The following VPS37A variants were observed in gnomAD, a reference collection of about 807,000 sequenced individuals.
The protein encoded by VPS37A is VPS37A subunit of ESCRT-I.
A neutral mutation model predicts 49.8 loss-of-function variants in VPS37A; 30 were observed. That is an observed-to-expected ratio of 0.60 (90% CI 0.45 to 0.82). The LOEUF is 0.82. Among genes scored for constraint, VPS37A ranks in the 40% least tolerant of loss-of-function variants. VPS37A has a pLI of 0.00. For missense variants in VPS37A, 593 were observed against 464.4 expected (o/e 1.28, Z -2.55); for synonymous variants, 195 against 160.6 (o/e 1.21, Z -1.62).
At chr8:17,299,128 G>T (rs1563307690), downstream of VPS37A, 1 of 152,186 alleles carries the variant, frequency 6.6e-6, no homozygotes, top group Non-Finnish European at 1.5e-5. Flanking sequence ...AAATTCATAT[G>T]TAAGACCAGG....
chr8:17,295,003 G>A lies in VPS37A; in HGVS notation c.*17G>A, dbSNP rs1043784097. On this transcript the variant is annotated 3_prime_UTR_variant, in exon 12 of 12. Coordinates refer to ENST00000324849, the MANE Select transcript of VPS37A (RefSeq NM_152415.3). ...TCTTTCTAGATTTTCCTGGAAACATGAACTGCCAAGAGAGGAATGGGACAC... is the reference window on the plus strand; with the variant it reads ...TCTTTCTAGATTTTCCTGGAAACATAAACTGCCAAGAGAGGAATGGGACAC... 12 of 152,642 alleles carry A rather than the reference G, an allele frequency of 7.9e-5. No homozygotes were observed. Among genetic ancestry groups the A allele is most frequent in the Admixed American group, 2.6e-4 (4 of 15,284 alleles). The allele number at this position is 152,642 out of a possible 1,614,324, so 9.5% of individuals were successfully genotyped here.
intron 4 of VPS37A, among the ~76,000 whole-genome samples, chr8:17,269,837 T>C (rs949895624): frequency 2.6e-5 from 4 of 152,232 alleles, no homozygotes; most frequent in African/African-American, 9.6e-5. Flanking sequence ...GTACTAAAGA[T>C]ACTGTTTTAG....
chr8:17,304,568 C>G (rs201061683), downstream of VPS37A: 2 of 1,576,484 alleles, frequency 1.3e-6, no homozygotes, highest in Non-Finnish European at 1.7e-6. Context: ...GGTGCTTACA[C>G]ACAGTAGATA....
chr8:17,304,633 T>C, downstream of VPS37A: 1 of 1,062,258 alleles, frequency 9.4e-7, no homozygotes, highest in Non-Finnish European at 1.4e-6. Context: ...ACCACGTGTC[T>C]GTTCGATAGC....
intron 10 of VPS37A, 67 bp downstream of exon 10, chr8:17,284,683 A>AG: frequency 1.3e-6 from 2 of 1,495,754 alleles, no homozygotes; most frequent in Non-Finnish European, 1.8e-6. Context: ...GAGGAGGAGA[A>AG]GCACTGGGTG....
At chr8:17,288,795 C>G (rs768825128) in intron 11 of VPS37A, among the ~76,000 whole-genome samples, 5 of 152,214 alleles carry the variant, frequency 3.3e-5, no homozygotes, top group Non-Finnish European at 5.9e-5. Context: ...AATCACCACA[C>G]TGGTCTTCCA....
Position 17,268,246 on chromosome 8 carries a change from T to C in VPS37A, c.201-12T>C, listed in dbSNP as rs771791901. The C allele has an allele frequency of 4.4e-6, 7 of 1,580,860 alleles. No homozygotes were observed. In the Admixed American group the frequency reaches 1.2e-4, roughly 27 times the overall value. ...CTTTGTTTTTGTTTTTCATCTGTTC[T>C]ACCTCTACCAGATTGCTTCCTCCAC... On this transcript the variant is annotated splice_polypyrimidine_tract_variant and intron_variant, in intron 2 of 11. Coordinates refer to ENST00000324849, the MANE Select transcript of VPS37A (RefSeq NM_152415.3).
Position 17,247,316 on chromosome 8 carries a change from C to A in VPS37A, c.72C>A (p.Ser24Arg). ...SAAGSPGGLT[S>R]LQQQKQRLIE... Reference sequence around the variant, plus strand: ...CTGGGTCCCCCGGTGGCCTCACCAGCCTCCAGCAGCAGAAGCAGCGCCTGA... The same window carrying A: ...CTGGGTCCCCCGGTGGCCTCACCAGACTCCAGCAGCAGAAGCAGCGCCTGA... The change falls in exon 1 of 12, where the codon AGC becomes AGA. Residue 24 changes from serine to arginine, a missense_variant. Transcript: ENST00000324849. 6.4e-7 allele frequency: 1 copy of A among 1,562,720 alleles called. No homozygotes were observed. Among genetic ancestry groups the A allele is most frequent in the Non-Finnish European group, 8.7e-7 (1 of 1,153,622 alleles).
chr8:17,308,494 TTG>T, the VPS37A span, among the ~76,000 whole-genome samples: 1 of 152,214 alleles, frequency 6.6e-6, no homozygotes, highest in African/African-American at 2.4e-5. Flanking sequence ...AAAAATATAC[TTG>T]AGCAGTTGCA....
rs544684706 is a variant in VPS37A, at chr8:17,274,307, T to G, written c.417-426T>G. Among the ~76,000 whole-genome samples the G allele has an allele frequency of 4.1e-3, 622 of 152,384 alleles. 6 individuals are homozygous for G. Among genetic ancestry groups the G allele is most frequent in the African/African-American group, 0.014 (596 of 41,590 alleles). ...TTTTCTAGAAAAGCAGTCTTGACTT[T>G]CAGTCAGATTTTGACAAATACAGAG... is the stretch of plus-strand genomic sequence containing the variant. On this transcript the variant is annotated intron_variant, in intron 4 of 11. Transcript: ENST00000324849.
chr8:17,279,418 C>T (rs1008068765), intron 6 of VPS37A, among the ~76,000 whole-genome samples: 12 of 152,110 alleles, frequency 7.9e-5, no homozygotes, highest in Middle Eastern at 3.2e-3. Flanking sequence ...AGAAATTCTT[C>T]TCATGCTACC....
downstream of VPS37A, chr8:17,304,526 T>C (rs758560539): frequency 2.0e-5 from 32 of 1,612,378 alleles, no homozygotes; most frequent in Admixed American, 3.0e-4. Context: ...AATCCTGTTA[T>C]AAAGAAAATA....
chr8:17,318,084 G>C, the VPS37A span, among the ~76,000 whole-genome samples: 1,495 of 152,174 alleles, frequency 9.8e-3, 22 homozygotes, highest in East Asian at 0.038. Flanking sequence ...ATCCACTCAT[G>C]CACTCAGGAT....
At chr8:17,276,493 A>G (rs370623543) in intron 6 of VPS37A, 26 bp downstream of exon 6, 2 of 1,591,108 alleles carry the variant, frequency 1.3e-6, no homozygotes, top group Non-Finnish European at 1.7e-6. Flanking sequence ...AAAGTTGGTC[A>G]CATTGTCTAT....
At chr8:17,247,570 A>C in intron 1 of VPS37A, 1 of 762,402 alleles carries the variant, frequency 1.3e-6, no homozygotes, top group Non-Finnish European at 2.3e-6. Context: ...CTCCTGCCGC[A>C]CCACTGCTCA....
At chr8:17,261,697 C>G (rs1453876744) in intron 1 of VPS37A, among the ~76,000 whole-genome samples, 2 of 152,146 alleles carry the variant, frequency 1.3e-5, no homozygotes, top group East Asian at 1.9e-4. Flanking sequence ...TGCCTTGGCT[C>G]TAATAAGTAC....
At chr8:17,256,040 C>G (rs1434791462) in intron 1 of VPS37A, among the ~76,000 whole-genome samples, 1 of 151,660 alleles carries the variant, frequency 6.6e-6, no homozygotes, top group Middle Eastern at 3.2e-3. Context: ...TTTATTTTGG[C>G]AATATACCCA....
intron 6 of VPS37A, among the ~76,000 whole-genome samples, chr8:17,279,438 A>T (rs1308059213): frequency 6.6e-6 from 1 of 152,152 alleles, no homozygotes; most frequent in Non-Finnish European, 1.5e-5. Context: ...CTTGTCTGTG[A>T]ACTTGTACTT....
chr8:17,273,713 A>G (rs964130107), intron 4 of VPS37A, among the ~76,000 whole-genome samples: 6 of 151,982 alleles, frequency 3.9e-5, no homozygotes, highest in Non-Finnish European at 7.4e-5. Flanking sequence ...TTCCTTTTTC[A>G]GGCTTTTTTT....
Sources: allele counts gnomAD v4.1 joint callset (sites outside exome capture counted in the v4.1 genomes callset), GRCh38; gene constraint gnomAD v4.1.1; transcripts MANE v1.5; gene names NCBI Gene and HGNC (gene_info 2026-07-23, HGNC 2026-07-21).